CACNA2D3: variants seen among roughly 807,000 people sequenced by gnomAD.
CACNA2D3 encodes voltage-dependent calcium channel subunit alpha-2/delta-3.
CACNA2D3 carries 60 observed loss-of-function variants against 160.6 expected under a neutral mutation model. The observed-to-expected ratio is 0.37, with a 90% CI of 0.30 to 0.46. The LOEUF (loss-of-function observed/expected upper bound fraction) is 0.46, where lower values mean the gene tolerates loss of function less well. CACNA2D3 is among the 20% of genes least tolerant of loss of function. The probability of loss-of-function intolerance (pLI) is 1.00; values close to 1 mark genes in which losing one functional copy is unlikely to be tolerated. For missense variants in CACNA2D3, 1,205 were observed against 1,365.0 expected (o/e 0.88, Z 1.85); for synonymous variants, 558 against 492.9 (o/e 1.13, Z -1.75).
chr3:54,717,789 G>A (rs1200517938), intron 11 of CACNA2D3, among the ~76,000 whole-genome samples: 2 of 81,260 alleles, frequency 2.5e-5, no homozygotes, highest in African/African-American at 9.7e-5. Context: ...GCATGTGCGT[G>A]TGTGGTGTGC....
chr3:54,869,449 A>G (rs1026505883), intron 17 of CACNA2D3, among the ~76,000 whole-genome samples: 1 of 152,244 alleles, frequency 6.6e-6, no homozygotes, highest in African/African-American at 2.4e-5. Flanking sequence ...AGTGCCTTGC[A>G]CTTAGTAGTA....
At chr3:55,005,168 C>T (rs1166282666) in intron 32 of CACNA2D3, among the ~76,000 whole-genome samples, 2 of 151,838 alleles carry the variant, frequency 1.3e-5, no homozygotes, top group Non-Finnish European at 2.9e-5. Context: ...CCCAGCTACT[C>T]GGGAGGCTGA....
intron 27 of CACNA2D3, among the ~76,000 whole-genome samples, chr3:54,966,773 C>G (rs1480972608): frequency 6.6e-6 from 1 of 152,130 alleles, no homozygotes; most frequent in African/African-American, 2.4e-5. Context: ...GAGCTGAGAT[C>G]ACACCACTGC....
At chr3:54,680,467 G>A (rs1382388283) in intron 11 of CACNA2D3, among the ~76,000 whole-genome samples, 4 of 152,176 alleles carry the variant, frequency 2.6e-5, no homozygotes, top group Non-Finnish European at 5.9e-5. Context: ...CTTCAACATG[G>A]CCCCTACCCC....
At chr3:54,288,750 A>G (rs1703103022) in intron 2 of CACNA2D3, among the ~76,000 whole-genome samples, 1 of 152,176 alleles carries the variant, frequency 6.6e-6, no homozygotes, top group South Asian at 2.1e-4. Context: ...CATCCCTGGG[A>G]TGCAAGGCTG....
intron 35 of CACNA2D3, among the ~76,000 whole-genome samples, chr3:55,036,366 G>C (rs1199347250): frequency 6.6e-6 from 1 of 152,174 alleles, no homozygotes; most frequent in African/African-American, 2.4e-5. Context: ...AGAATCACTT[G>C]AACCTGGGAG....
chr3:54,888,537 G>A (rs1207967203), intron 24 of CACNA2D3, among the ~76,000 whole-genome samples: 1 of 152,150 alleles, frequency 6.6e-6, no homozygotes, highest in African/African-American at 2.4e-5. Context: ...AGACTAGGAT[G>A]AGAACTGCTT....
chr3:54,629,835 G>A (rs1205677437), intron 10 of CACNA2D3, among the ~76,000 whole-genome samples: 7 of 152,170 alleles, frequency 4.6e-5, no homozygotes, highest in Non-Finnish European at 8.8e-5. Flanking sequence ...ACTTCTCTGA[G>A]CTGTGGAGTC....
intron 16 of CACNA2D3, among the ~76,000 whole-genome samples, chr3:54,844,873 G>GT (rs370080877): frequency 6.6e-6 from 1 of 152,220 alleles, no homozygotes; most frequent in African/African-American, 2.4e-5. Context: ...TATTTGTTTT[G>GT]TTTAATTTTG....
chr3:54,724,859 A>G (rs1701246026), intron 11 of CACNA2D3, among the ~76,000 whole-genome samples: 1 of 152,222 alleles, frequency 6.6e-6, no homozygotes. Context: ...AAATTGAACT[A>G]GAGAAGCAAC....
At chr3:54,328,345 G>A (rs1308937023) in intron 3 of CACNA2D3, among the ~76,000 whole-genome samples, 1 of 152,106 alleles carries the variant, frequency 6.6e-6, no homozygotes, top group Admixed American at 6.5e-5. Flanking sequence ...GCAATGGCCC[G>A]ATCTTGGCTC....
intron 2 of CACNA2D3, among the ~76,000 whole-genome samples, chr3:54,285,640 G>A (rs1702997169): frequency 6.6e-6 from 1 of 152,166 alleles, no homozygotes; most frequent in Non-Finnish European, 1.5e-5. Context: ...TCCTCAAGTG[G>A]GTCCCTGACC....
intron 4 of CACNA2D3, among the ~76,000 whole-genome samples, chr3:54,394,224 T>C (rs925391680): frequency 1.3e-5 from 2 of 151,666 alleles, no homozygotes; most frequent in Non-Finnish European, 2.9e-5. Flanking sequence ...ACAACCCAGC[T>C]CCCCGGAGCG....
At chr3:54,915,281 C>T (rs1700637475) in intron 27 of CACNA2D3, among the ~76,000 whole-genome samples, 1 of 151,950 alleles carries the variant, frequency 6.6e-6, no homozygotes. Flanking sequence ...TTCTTCATGC[C>T]CCCTTTTTTT....
chr3:54,952,691 T>C (rs889066550), intron 27 of CACNA2D3, among the ~76,000 whole-genome samples: 3 of 152,216 alleles, frequency 2.0e-5, no homozygotes, highest in African/African-American at 7.2e-5. Flanking sequence ...GTTCAAATTC[T>C]GGTGCCCGCA....
intron 5 of CACNA2D3, among the ~76,000 whole-genome samples, chr3:54,524,772 A>C (rs558766950): frequency 4.9e-4 from 74 of 152,104 alleles, no homozygotes; most frequent in Non-Finnish European, 8.4e-4. Context: ...TTTTGTTTTA[A>C]AATCTATTTG....
At chr3:54,442,513 A>G (rs149719591) in intron 4 of CACNA2D3, among the ~76,000 whole-genome samples, 1 of 152,230 alleles carries the variant, frequency 6.6e-6, no homozygotes, top group East Asian at 1.9e-4. Flanking sequence ...CTTTCCCTTA[A>G]CTGTCCACTT....
chr3:54,908,709 CCT>C (rs1287950111), intron 27 of CACNA2D3, among the ~76,000 whole-genome samples: 4 of 152,152 alleles, frequency 2.6e-5, no homozygotes, highest in African/African-American at 9.7e-5. Flanking sequence ...AGAGTGAGAC[CCT>C]GTCTCAAAAC....
At chr3:54,858,205 TTG>T (rs1273997174) in intron 17 of CACNA2D3, among the ~76,000 whole-genome samples, 1 of 152,080 alleles carries the variant, frequency 6.6e-6, no homozygotes, top group Non-Finnish European at 1.5e-5. Flanking sequence ...CTCCTTCCCC[TTG>T]TGGGGGAAAT....
Sources: gnomAD v4.1 joint callset for allele counts (sites outside exome capture counted in the v4.1 genomes callset) on GRCh38, gnomAD v4.1.1 for gene constraint, MANE v1.5 for transcripts, NCBI Gene and HGNC (gene_info 2026-07-23, HGNC 2026-07-21) for gene names.